The following ZFHX4 variants were observed in gnomAD, a reference collection of about 807,000 sequenced individuals.
ZFHX4 encodes the protein zinc finger homeobox protein 4.
In ZFHX4, 56 loss-of-function variants were observed where a neutral mutation model predicts 267.6. The observed-to-expected ratio is 0.21, with a 90% CI of 0.17 to 0.26. The LOEUF (loss-of-function observed/expected upper bound fraction) is 0.26, where lower values mean the gene tolerates loss of function less well. ZFHX4 is among the 10% of genes least tolerant of loss of function. The pLI, the probability that ZFHX4 is intolerant of heterozygous loss-of-function variation, is 1.00. For synonymous variants in ZFHX4, 1,778 were observed against 1,665.6 expected, an observed-to-expected ratio of 1.07 and a Z score of -1.64; for missense variants, 4,332 against 4,420.0, an observed-to-expected ratio of 0.98 and a Z score of 0.56.
intron 1 of ZFHX4, among the ~76,000 whole-genome samples, chr8:76,686,324 G>C (rs1807692218): frequency 6.6e-6 from 1 of 152,132 alleles, no homozygotes; most frequent in Admixed American, 6.5e-5. Flanking sequence ...GGTTTGAAAA[G>C]TCATGTTTAT....
In ZFHX4 at chr8:76,853,848, C is replaced by A. The variant is rs1424850220; in HGVS notation, c.6927C>A (p.Asn2309Lys). 1 of 1,613,918 alleles carries A rather than the reference C, an allele frequency of 6.2e-7. No individual in the cohort carries two copies. The highest frequency in any genetic ancestry group is 1.3e-5 in the African/African-American group (1 of 75,050). The change falls in exon 10 of 11, where the codon AAC becomes AAA. Residue 2309 changes from asparagine to lysine, a missense_variant. Physicochemically the swap from Asn to Lys is moderately conservative, Grantham distance 94. Coordinates refer to ENST00000651372, the MANE Select transcript of ZFHX4 (RefSeq NM_024721.5). Reference sequence around the variant, plus strand: ...ATGAACGGTACATTCGAACAAGCAACATGCAGTACCAGTGTAAAAAGTGCA... The same window carrying A: ...ATGAACGGTACATTCGAACAAGCAAAATGCAGTACCAGTGTAAAAAGTGCA... ...LTNERYIRTS[N>K]MQYQCKKCNV...
At chr8:76,787,638 T>TA (rs748402870) in intron 4 of ZFHX4, among the ~76,000 whole-genome samples, 1,783 of 62,160 alleles carry the variant, frequency 0.029, 37 homozygotes, top group African/African-American at 0.052. Context: ...CCATCTCCAC[T>TA]AAAAAAAAAA....
intron 4 of ZFHX4, among the ~76,000 whole-genome samples, chr8:76,810,598 G>A (rs562188284): frequency 2.6e-5 from 4 of 152,270 alleles, no homozygotes; most frequent in Admixed American, 6.5e-5. Flanking sequence ...TACAGGTCAC[G>A]TTAGAAGGGT....
chr8:76,855,601 G>A lies in ZFHX4; in HGVS notation c.8680G>A (p.Asp2894Asn). The A allele has an allele frequency of 6.2e-7, 1 of 1,613,834 alleles. No individual in the cohort carries two copies. Among genetic ancestry groups the A allele is most frequent in the East Asian group, 2.2e-5 (1 of 44,840 alleles). ...QSFYITDDPDDNADRSETSSI... is the reference protein window; with the variant it reads ...QSFYITDDPDNNADRSETSSI... ...CTTTTACATCACAGATGACCCGGAT[G>A]ACAACGCCGACCGCAGCGAAACGTC... Residue 2894 changes from aspartate to asparagine, a missense_variant, in exon 10 of 11, where the codon GAC (aspartate) becomes AAC (asparagine). Coordinates refer to ENST00000651372, the MANE Select transcript of ZFHX4 (RefSeq NM_024721.5).
At chr8:76,724,249 G>C (rs1808797715) in intron 3 of ZFHX4, among the ~76,000 whole-genome samples, 1 of 151,924 alleles carries the variant, frequency 6.6e-6, no homozygotes. Context: ...TAGATCTTAA[G>C]GCTCCAAGAG....
intron 4 of ZFHX4, among the ~76,000 whole-genome samples, chr8:76,810,957 C>G (rs945264799): frequency 6.6e-6 from 1 of 152,154 alleles, no homozygotes; most frequent in African/African-American, 2.4e-5. Flanking sequence ...TTCGCTTCCC[C>G]TCCTTGCTAA....
intron 3 of ZFHX4, among the ~76,000 whole-genome samples, chr8:76,762,203 G>A (rs1239125494): frequency 6.6e-6 from 1 of 151,922 alleles, no homozygotes; most frequent in Admixed American, 6.6e-5. Context: ...TATATTCTAG[G>A]GATTTATAGA....
At chr8:76,698,461 A>ACCTT (rs1398664949) in intron 1 of ZFHX4, among the ~76,000 whole-genome samples, 1 of 152,134 alleles carries the variant, frequency 6.6e-6, no homozygotes, top group Non-Finnish European at 1.5e-5. Context: ...GGTAAAGTGC[A>ACCTT]CCTTTTCTCC....
At chr8:76,858,472 A>G (rs1766075403) in intron 10 of ZFHX4, among the ~76,000 whole-genome samples, 1 of 152,182 alleles carries the variant, frequency 6.6e-6, no homozygotes, top group Non-Finnish European at 1.5e-5. Flanking sequence ...CTCCATGAAC[A>G]TTGCTACCTA....
At chr8:76,850,217 T>A (rs906092892) in intron 8 of ZFHX4, 28 bp from the exon 9 acceptor site, 1 of 1,552,234 alleles carries the variant, frequency 6.4e-7, no homozygotes, top group Non-Finnish European at 8.8e-7. Flanking sequence ...TGGGGTACAT[T>A]TAACATAAAC....
chr8:76,757,958 G>A (rs777132784), intron 3 of ZFHX4, among the ~76,000 whole-genome samples: 4 of 152,222 alleles, frequency 2.6e-5, no homozygotes, highest in Non-Finnish European at 5.9e-5. Flanking sequence ...GATTCTGAGC[G>A]CAGATACCTT....
At chr8:76,792,666 A>G (rs1423926004) in intron 4 of ZFHX4, among the ~76,000 whole-genome samples, 1 of 152,158 alleles carries the variant, frequency 6.6e-6, no homozygotes, top group African/African-American at 2.4e-5. Context: ...TGCCTGATGC[A>G]GATTTCTTCT....
chr8:76,751,759 T>C (rs1162087736), intron 3 of ZFHX4, among the ~76,000 whole-genome samples: 1 of 152,146 alleles, frequency 6.6e-6, no homozygotes, highest in Non-Finnish European at 1.5e-5. Flanking sequence ...GGTTAGAATA[T>C]TGACTTGGAA....
At chr8:76,758,850 A>T (rs180745137) in intron 3 of ZFHX4, among the ~76,000 whole-genome samples, 7 of 152,140 alleles carry the variant, frequency 4.6e-5, no homozygotes, top group Non-Finnish European at 1.0e-4. Flanking sequence ...GTCTAGTGAG[A>T]GGTCTGTGGC....
chr8:76,704,006 A>C lies in ZFHX4; in HGVS notation c.-46-37A>C, dbSNP rs910420971. ...CTATTAGTGAGCTGTGTCATTATTT[A>C]ATAAAAATGGCTTCTCTCACCTTAT... On this transcript the variant is annotated intron_variant, in intron 1 of 10. Transcript: ENST00000651372. 3.0e-6 allele frequency: 4 copies of C among 1,320,194 alleles called. No homozygotes were observed. In the South Asian group the frequency reaches 6.1e-5, roughly 20 times the overall value. 81.8% of individuals were successfully genotyped at this position (1,320,194 alleles called of 1,614,324 possible).
At chr8:76,762,178 T>C (rs554770434) in intron 3 of ZFHX4, among the ~76,000 whole-genome samples, 9 of 152,218 alleles carry the variant, frequency 5.9e-5, no homozygotes, top group Non-Finnish European at 7.4e-5. Flanking sequence ...TAGTTTCTGG[T>C]CCAGGACACC....
Position 76,855,905 on chromosome 8 carries a change from T to G in ZFHX4, c.8984T>G (p.Phe2995Cys). The G allele has an allele frequency of 2.5e-6, 4 of 1,613,876 alleles. No individual in the cohort carries two copies. The highest frequency in any genetic ancestry group is 2.5e-6 in the Non-Finnish European group (3 of 1,179,852). The change falls in exon 10 of 11, where the codon TTC (phenylalanine) becomes TGC (cysteine). Residue 2995 changes from phenylalanine to cysteine, a missense_variant. This residue lies in a region of ZFHX4 where 1,648 missense variants were observed against 1,625.0 expected (regional missense o/e 1.01). Transcript: ENST00000651372. ...KKFKINIGKP[F>C]MINQGGTEGT... ...TTTAAAATTAACATAGGGAAGCCTT[T>G]CATGATCAATCAAGGCGGAACGGAA...
At chr8:76,769,358 C>CT (rs886891582) in intron 3 of ZFHX4, among the ~76,000 whole-genome samples, 14 of 149,832 alleles carry the variant, frequency 9.3e-5, no homozygotes, top group South Asian at 2.1e-4. Flanking sequence ...TTTCTTTCTT[C>CT]TTTTTTTTTA....
At position 76,855,541 on chromosome 8, in the gene ZFHX4, C is replaced by T; in HGVS notation, c.8620C>T (p.His2874Tyr). The T allele has an allele frequency of 1.2e-6, 2 of 1,613,908 alleles. No individual in the cohort carries two copies. The highest frequency in any genetic ancestry group is 1.7e-6 in the Non-Finnish European group (2 of 1,179,868). ...CTTTTCTCTCACAAGCCCATCCATC[C>T]ATTTCAATGACAAAGATGGCGACCA... ...FLFSLTSPSI[H>Y]FNDKDGDHDQ... is the part of the protein sequence containing the mutation. Residue 2874 changes from histidine (H) to tyrosine (Y), a missense_variant, in exon 10 of 11, where the codon CAT (histidine) becomes TAT (tyrosine). This residue lies in a region of ZFHX4 where 1,648 missense variants were observed against 1,625.0 expected (regional missense o/e 1.01). Coordinates refer to ENST00000651372, the MANE Select transcript of ZFHX4 (RefSeq NM_024721.5).
Sources: gnomAD v4.1 joint callset for allele counts (sites outside exome capture counted in the v4.1 genomes callset) on GRCh38, gnomAD v4.1.1 for gene constraint, gnomAD v4.1.1 regional missense constraint, MANE v1.5 for transcripts, NCBI Gene and HGNC (gene_info 2026-07-23, HGNC 2026-07-21) for gene names.